Variants in PTPRN2 observed in about 807,000 individuals in gnomAD.
The protein encoded by PTPRN2 is receptor-type tyrosine-protein phosphatase N2.
In PTPRN2, 74 loss-of-function variants were observed where a neutral mutation model predicts 118.8. That is an observed-to-expected ratio of 0.62 (90% CI 0.52 to 0.76). PTPRN2 has a LOEUF of 0.76. Ranked by LOEUF, PTPRN2 falls within the 30% of genes least tolerant of loss-of-function variation. The pLI is 0.00. For synonymous variants in PTPRN2, 641 were observed against 608.0 expected (o/e 1.05, Z -0.80); for missense variants, 1,481 against 1,394.4 (o/e 1.06, Z -0.99).
At chr7:158,287,621 C>T (rs1036732487) in intron 3 of PTPRN2, among the ~76,000 whole-genome samples, 8 of 151,948 alleles carry the variant, frequency 5.3e-5, no homozygotes, top group Non-Finnish European at 1.0e-4. Context: ...ATATATTTGT[C>T]AATTTTCTGA....
chr7:158,086,316 C>T (rs984007468), intron 10 of PTPRN2, among the ~76,000 whole-genome samples: 2 of 152,236 alleles, frequency 1.3e-5, no homozygotes, highest in African/African-American at 4.8e-5. Context: ...TCAGAACAGA[C>T]ACACAGCCTG....
At chr7:158,364,647 A>C (rs555931402) in intron 2 of PTPRN2, among the ~76,000 whole-genome samples, 1 of 151,610 alleles carries the variant, frequency 6.6e-6, no homozygotes, top group Non-Finnish European at 1.5e-5. Flanking sequence ...ATCTCCATGC[A>C]TAATTCTCCG....
intron 1 of PTPRN2, among the ~76,000 whole-genome samples, chr7:158,490,546 A>G (rs1027701432): frequency 3.9e-5 from 6 of 152,330 alleles, no homozygotes; most frequent in Admixed American, 6.5e-5. Context: ...TCTTAAACAC[A>G]GAGAGATGGG....
Position 157,621,463 on chromosome 7 carries a change from T to C in PTPRN2, c.2243A>G (p.Glu748Gly). ...CTGGTAGGCGCACAGCGCTTCCCACTCCTTCTCCAGCCGGTTCTTGTTCTT... is the reference window on the plus strand; with the variant it reads ...CTGGTAGGCGCACAGCGCTTCCCACCCCTTCTCCAGCCGGTTCTTGTTCTT... ...HLKNKNRLEKEWEALCAYQAE... is the reference protein window; with the variant it reads ...HLKNKNRLEKGWEALCAYQAE... The change falls in exon 15 of 23, where the codon GAG (glutamate) becomes GGG (glycine). Residue 748 changes from glutamate to glycine, a missense_variant. By Grantham distance (98) the Glu-to-Gly change is moderately conservative. Around this residue, in one of 3 missense-constraint regions of PTPRN2, gnomAD observed 362 missense variants for 384.1 expected, o/e 0.94. Transcript: ENST00000389418. The C allele has an allele frequency of 1.9e-6, 3 of 1,613,984 alleles. No individual in the cohort carries two copies. The highest frequency in any genetic ancestry group is 1.1e-5 in the South Asian group (1 of 91,086).
At chr7:158,060,401 G>A (rs932496363) in intron 11 of PTPRN2, among the ~76,000 whole-genome samples, 38 of 152,292 alleles carry the variant, frequency 2.5e-4, no homozygotes, top group African/African-American at 8.4e-4. Flanking sequence ...CTGTCTCGCC[G>A]TGTGTGTGTA....
intron 3 of PTPRN2, among the ~76,000 whole-genome samples, chr7:158,211,528 A>T (rs1191641452): frequency 6.6e-6 from 1 of 152,222 alleles, no homozygotes; most frequent in Non-Finnish European, 1.5e-5. Context: ...AATTTCAATA[A>T]TCTAACTTTA....
intron 2 of PTPRN2, among the ~76,000 whole-genome samples, chr7:158,439,536 G>T (rs960787837): frequency 1.3e-5 from 2 of 152,132 alleles, no homozygotes; most frequent in Non-Finnish European, 2.9e-5. Context: ...AGTAAGATGA[G>T]GAGGAGGAAA....
At chr7:157,727,347 T>C (rs116240211) in intron 12 of PTPRN2, among the ~76,000 whole-genome samples, 2 of 152,244 alleles carry the variant, frequency 1.3e-5, no homozygotes, top group East Asian at 1.9e-4. Context: ...CCTGAGGACA[T>C]GTGCCCAGTG....
chr7:157,782,635 AG>A (rs774525450), intron 12 of PTPRN2, among the ~76,000 whole-genome samples: 3 of 152,230 alleles, frequency 2.0e-5, no homozygotes, highest in Non-Finnish European at 2.9e-5. Flanking sequence ...AACTGCCCCC[AG>A]GGGTCCCTGA....
Position 158,401,359 on chromosome 7 carries a change from C to T in PTPRN2, c.164-84427G>A, listed in dbSNP as rs185198756. On this transcript the variant is annotated intron_variant, in intron 2 of 22. Transcript: ENST00000389418. ...CAGGGAGAAAATAGACCGGAAGCTC[C>T]TTCTCTGTGTTGCTGCCACCCAGGA... is the stretch of plus-strand genomic sequence containing the variant. 2.6e-3 allele frequency among the ~76,000 whole-genome samples: 389 copies of T among 152,390 alleles called. 5 individuals are homozygous for T. Among genetic ancestry groups the T allele is most frequent in the South Asian group, 0.013 (65 of 4,830 alleles).
chr7:158,291,023 G>A (rs1800088597), intron 3 of PTPRN2, among the ~76,000 whole-genome samples: 1 of 152,214 alleles, frequency 6.6e-6, no homozygotes, highest in South Asian at 2.1e-4. Context: ...AGGAGGAGGA[G>A]GTCTGCTGAG....
chr7:157,948,840 C>T (rs1041035392), intron 11 of PTPRN2, among the ~76,000 whole-genome samples: 3 of 152,110 alleles, frequency 2.0e-5, no homozygotes, highest in East Asian at 1.9e-4. Flanking sequence ...CTGGTGAGTC[C>T]GGTTGGCCTT....
chr7:158,329,028 A>G (rs1217806269), intron 2 of PTPRN2, among the ~76,000 whole-genome samples: 1 of 151,878 alleles, frequency 6.6e-6, no homozygotes. Context: ...GCAAGTCACT[A>G]TGAGTGGGGC....
chr7:158,274,969 ACTC>A (rs1798862237), intron 3 of PTPRN2, among the ~76,000 whole-genome samples: 1 of 152,056 alleles, frequency 6.6e-6, no homozygotes, highest in Non-Finnish European at 1.5e-5. Context: ...CCACAGATCA[ACTC>A]CTGGGGCGTA....
intron 12 of PTPRN2, among the ~76,000 whole-genome samples, chr7:157,772,049 CA>C: frequency 6.6e-6 from 1 of 151,154 alleles, no homozygotes; most frequent in Non-Finnish European, 1.5e-5. Flanking sequence ...GACACCCACA[CA>C]TAGAAATACA....
chr7:158,171,012 CATACAT>C (rs1306750053), intron 5 of PTPRN2, among the ~76,000 whole-genome samples: 2 of 146,638 alleles, frequency 1.4e-5, no homozygotes, highest in African/African-American at 5.1e-5. Context: ...TATATATACA[CATACAT>C]ATATATACAC....
At chr7:157,633,552 G>A (rs565028897) in intron 14 of PTPRN2, among the ~76,000 whole-genome samples, 1 of 152,344 alleles carries the variant, frequency 6.6e-6, no homozygotes, top group East Asian at 1.9e-4. Flanking sequence ...CAAGAGTCAC[G>A]ACGCAGAGCC....
intron 13 of PTPRN2, among the ~76,000 whole-genome samples, chr7:157,672,193 G>A (rs1796450958): frequency 6.6e-6 from 1 of 152,122 alleles, no homozygotes; most frequent in Admixed American, 6.5e-5. Context: ...GGGCCCACTG[G>A]GAACGGGAAG....
rs756989862 is a variant in PTPRN2, at chr7:157,845,653, G to A, written c.1788+53020C>T. ...TTGCAGATGCGGTAACCCACTGTGCGGCACAGAACCTCCCCGCGGGGCAGG... is the reference window on the plus strand; with the variant it reads ...TTGCAGATGCGGTAACCCACTGTGCAGCACAGAACCTCCCCGCGGGGCAGG... On this transcript the variant is annotated intron_variant, in intron 12 of 22. Transcript: ENST00000389418. The surrounding 1 kb of genome is among the most constrained non-coding windows in gnomAD (Gnocchi z 4.5). 9.9e-5 allele frequency among the ~76,000 whole-genome samples: 15 copies of A among 152,200 alleles called. No individual in the cohort carries two copies. The highest frequency in any genetic ancestry group is 1.9e-4 in the Non-Finnish European group (13 of 68,034).
Sources: allele counts gnomAD v4.1 joint callset (sites outside exome capture counted in the v4.1 genomes callset), GRCh38; gene constraint gnomAD v4.1.1; regional missense constraint gnomAD v4.1.1; non-coding constraint Gnocchi (gnomAD v3.1); transcripts MANE v1.5; gene names NCBI Gene and HGNC (gene_info 2026-07-23, HGNC 2026-07-21).